Variants in FLCN observed in about 807,000 individuals in gnomAD.
FLCN encodes folliculin, also known as BHD skin lesion fibrofolliculoma protein.
FLCN carries 22 observed loss-of-function variants against 62.5 expected under a neutral mutation model. That is an observed-to-expected ratio of 0.35 (90% confidence interval 0.25 to 0.50). FLCN has a LOEUF of 0.50. FLCN is among the 20% of genes least tolerant of loss of function. The pLI is 0.97. For synonymous variants in FLCN, 319 were observed against 310.0 expected, an observed-to-expected ratio of 1.03 and a Z score of -0.30; for missense variants, 657 against 778.0, an observed-to-expected ratio of 0.84 and a Z score of 1.85.
At position 17,213,399 on chromosome 17, in the gene FLCN, A is replaced by G. The variant is rs1597572820; in HGVS notation, c.*256T>C. ...TGTCCTCCTAGTCGTCTCTCCAAGG[A>G]GTTTGAACACAGAGAGAGCCCATCA... On this transcript the variant is annotated 3_prime_UTR_variant, in exon 14 of 14. Transcript: ENST00000285071. 3.4e-6 allele frequency: 2 copies of G among 586,388 alleles called. No individual in the cohort carries two copies. Among genetic ancestry groups the G allele is most frequent in the African/African-American group, 3.7e-5 (2 of 53,820 alleles). 36.3% of individuals were successfully genotyped at this position (586,388 alleles called of 1,614,324 possible).
At chr17:17,219,559 T>C (rs1239059145) in intron 8 of FLCN, 1 of 234,510 alleles carries the variant, frequency 4.3e-6, no homozygotes, top group East Asian at 1.2e-4. Flanking sequence ...GTTTCTTTTT[T>C]TTCCACTTTT....
At chr17:17,223,541 C>T (rs768118865) in intron 6 of FLCN, among the ~76,000 whole-genome samples, 3 of 152,240 alleles carry the variant, frequency 2.0e-5, no homozygotes, top group Non-Finnish European at 2.9e-5. Context: ...TACCAGAGCA[C>T]GACCTGGCCT....
rs1343201258 is a variant in FLCN at position 17,228,042 on chromosome 17, C to T, written c.96G>A (p.Gly32=). ...GGCCAGGACTGTCCTCATTCCCATC[C>T]CCTTGAGGAAGTGGGGCGTGCAGCA... ...TEVLHAPLPQ[G]DGNEDSPGQG... The change falls in exon 4 of 14, where the codon GGG becomes GGA. Residue 32 remains glycine (G), a synonymous_variant. Transcript: ENST00000285071. 6.2e-7 allele frequency: 1 copy of T among 1,613,906 alleles called. No individual in the cohort carries two copies.
intron 5 of FLCN, 159 bp downstream of exon 5, chr17:17,226,017 A>G (rs1267231923): frequency 8.0e-6 from 8 of 1,000,068 alleles, no homozygotes; most frequent in Non-Finnish European, 1.1e-5. Flanking sequence ...ATTCTGGACA[A>G]GGGAGGCGTC....
At chr17:17,219,518 G>A in intron 8 of FLCN, 1 of 129,894 alleles carries the variant, frequency 7.7e-6, no homozygotes, top group Non-Finnish European at 1.5e-5. Context: ...AACACACCCA[G>A]TCGGCCACAG....
At chr17:17,220,021 CTTCT>C (rs1314700305) in intron 8 of FLCN, 1 of 152,230 alleles carries the variant, frequency 6.6e-6, no homozygotes, top group Admixed American at 6.5e-5. Flanking sequence ...TCCCTCCCTC[CTTCT>C]GGAGCCCCCA....
chr17:17,213,518 C>T lies in FLCN; in HGVS notation c.*137G>A, dbSNP rs2046811164. ...GCCCCAAACCTGACAGGGCCGAGCC[C>T]AGCCCTGATGGTTTCCCTTCCTTGC... On this transcript the variant is annotated 3_prime_UTR_variant, in exon 14 of 14. Transcript: ENST00000285071. The T allele has an allele frequency of 9.8e-6, 12 of 1,230,506 alleles. No individual in the cohort carries two copies. The highest frequency in any genetic ancestry group is 5.0e-5 in the South Asian group (4 of 79,578). The allele number at this position is 1,230,506 out of a possible 1,614,324, so 76.2% of individuals were successfully genotyped here.
chr17:17,218,512 G>A (rs1044894852), intron 9 of FLCN, among the ~76,000 whole-genome samples: 1 of 151,430 alleles, frequency 6.6e-6, no homozygotes, highest in South Asian at 2.1e-4. Context: ...CAGCCTCCAA[G>A]TAGCTGGGAC....
At chr17:17,232,281 C>T (rs1392714381) in intron 2 of FLCN, among the ~76,000 whole-genome samples, 1 of 152,222 alleles carries the variant, frequency 6.6e-6, no homozygotes, top group East Asian at 1.9e-4. Context: ...ACCCCGACAC[C>T]CTCCCCTGCC....
rs753648691 is a variant in FLCN, at chr17:17,227,885, T to C, written c.249+4A>G. ...CACAAAACCAAGACCCCAAAGACAC[T>C]TGCCTCGCACATGTCCGACTTTTTG... On this transcript the variant is annotated splice_donor_region_variant and intron_variant, in intron 4 of 13. Coordinates refer to ENST00000285071, the MANE Select transcript of FLCN (RefSeq NM_144997.7). The C allele has an allele frequency of 4.0e-5, 64 of 1,613,956 alleles. No individual in the cohort carries two copies. The highest frequency in any genetic ancestry group is 5.3e-5 in the Non-Finnish European group (62 of 1,180,012).
In FLCN at chr17:17,215,254, C is replaced by T. The variant is rs759637055; in HGVS notation, c.1363G>A (p.Glu455Lys). Residue 455 changes from glutamate (E) to lysine (K), a missense_variant, in exon 12 of 14, where the codon GAG (glutamate) becomes AAG (lysine). By Grantham distance (56) the Glu-to-Lys change is moderately conservative. Coordinates refer to ENST00000285071, the MANE Select transcript of FLCN (RefSeq NM_144997.7). Reference protein sequence around the residue: ...ARSTLHPVGCEDDQSLSKYEF... With the variant: ...ARSTLHPVGCKDDQSLSKYEF... ...TACTTGCTGAGAGACTGGTCATCCT[C>T]ACACCCCACAGGGTGGAGGGTGGAA... 29 of 1,614,096 alleles carry T rather than the reference C, an allele frequency of 1.8e-5. No homozygotes were observed. The highest frequency in any genetic ancestry group is 2.2e-5 in the Non-Finnish European group (26 of 1,180,050).
chr17:17,215,182 C>T lies in FLCN; in HGVS notation c.1432+3G>A. The T allele has an allele frequency of 1.2e-6, 2 of 1,614,102 alleles. No homozygotes were observed. The highest frequency in any genetic ancestry group is 1.7e-6 in the Non-Finnish European group (2 of 1,180,018). On this transcript the variant is annotated splice_donor_region_variant and intron_variant, in intron 12 of 13. Coordinates refer to ENST00000285071, the MANE Select transcript of FLCN (RefSeq NM_144997.7). ...AAAGGACACTCTGCCTGGGGGCACC[C>T]ACCTCGGTCTGCAGCTACAGGGCTC... is the stretch of plus-strand genomic sequence containing the variant.
chr17:17,236,300 G>A (rs752818363), intron 1 of FLCN, among the ~76,000 whole-genome samples: 5 of 152,174 alleles, frequency 3.3e-5, no homozygotes, highest in Non-Finnish European at 5.9e-5. Flanking sequence ...CCCTGACATA[G>A]GACACTAGAA....
rs1263743330 is a variant in FLCN at position 17,212,503 on chromosome 17, G to A, written c.*1152C>T. The A allele has an allele frequency of 6.8e-6, 1 of 148,006 alleles. No homozygotes were observed. Among genetic ancestry groups the A allele is most frequent in the Non-Finnish European group, 1.5e-5 (1 of 67,990 alleles). The allele number at this position is 148,006 out of a possible 1,614,324, so 9.2% of individuals were successfully genotyped here. A position where few individuals can be genotyped will look rare whatever the true frequency, so the allele number is the denominator to read the frequency against. On this transcript the variant is annotated 3_prime_UTR_variant, in exon 14 of 14. Transcript: ENST00000285071. ...AAAAAAAAAAAAAAAAAAAAAAAAG[G>A]GCCAGGCACAGTGGCTCACGCTTGT...
Position 17,216,476 on chromosome 17 carries a change from T to A in FLCN, c.1204A>T (p.Ile402Phe). The change falls in exon 11 of 14, where the codon ATC becomes TTC. Residue 402 changes from isoleucine to phenylalanine, a missense_variant. Transcript: ENST00000285071. The surrounding 1 kb of genome is among the most constrained non-coding windows in gnomAD (Gnocchi z 4.0). ...TCGTACTGGCTGCTGTATGGGATGA[T>A]GCGGACGCAGCCCACGGGAAGCATG... ...RTMLPVGCVR[I>F]IPYSSQYEEA... 2 of 1,613,840 alleles carry A rather than the reference T, an allele frequency of 1.2e-6. No homozygotes were observed. The highest frequency in any genetic ancestry group is 2.2e-5 in the East Asian group (1 of 44,872).
At chr17:17,219,596 GTCTCAC>G (rs2047031369) in intron 8 of FLCN, 1 of 206,852 alleles carries the variant, frequency 4.8e-6, no homozygotes, top group Non-Finnish European at 8.8e-6. Flanking sequence ...TTGAGACGGA[GTCTCAC>G]TCTGTCGCAC....
rs1290050752 is a variant in FLCN, at chr17:17,212,245, T to C, written c.*1410A>G. 5.9e-6 allele frequency: 1 copy of C among 170,368 alleles called. No homozygotes were observed. The highest frequency in any genetic ancestry group is 1.3e-5 in the Non-Finnish European group (1 of 78,282). The allele number at this position is 170,368 out of a possible 1,614,324, so 10.6% of individuals were successfully genotyped here. A position where few individuals can be genotyped will look rare whatever the true frequency, so the allele number is the denominator to read the frequency against. ...AATACATCTTTATTGTGTTCCAATG[T>C]TGTTGCATTATACAGATACCTAGTT... On this transcript the variant is annotated 3_prime_UTR_variant, in exon 14 of 14. Coordinates refer to ENST00000285071, the MANE Select transcript of FLCN (RefSeq NM_144997.7).
At chr17:17,226,602 C>A (rs1567823338) in intron 4 of FLCN, among the ~76,000 whole-genome samples, 1 of 152,184 alleles carries the variant, frequency 6.6e-6, no homozygotes, top group Non-Finnish European at 1.5e-5. Flanking sequence ...CTCATTCAAT[C>A]CCAAGTGCCA....
At chr17:17,213,965 A>C in intron 13 of FLCN, 109 bp from the exon 14 acceptor site, 2 of 1,210,760 alleles carry the variant, frequency 1.7e-6, no homozygotes, top group Non-Finnish European at 2.4e-6. Context: ...GGAGCTGTGC[A>C]GGCAGAGCTG....
Sources: allele counts gnomAD v4.1 joint callset (sites outside exome capture counted in the v4.1 genomes callset), GRCh38; gene constraint gnomAD v4.1.1; non-coding constraint Gnocchi (gnomAD v3.1); transcripts MANE v1.5; gene names NCBI Gene and HGNC (gene_info 2026-07-23, HGNC 2026-07-21).